The following ANKEF1 variants were observed in gnomAD, a reference collection of about 807,000 sequenced individuals.
ANKEF1 encodes the protein ankyrin repeat and EF-hand domain containing 1.
In ANKEF1, 43 loss-of-function variants were observed where a neutral mutation model predicts 65.1. That is an observed-to-expected ratio of 0.66 (90% CI 0.52 to 0.85). The LOEUF (loss-of-function observed/expected upper bound fraction) is 0.85, where lower values mean the gene tolerates loss of function less well. Among genes scored for constraint, ANKEF1 ranks in the 40% least tolerant of loss-of-function variants. ANKEF1 has a pLI of 0.00. For synonymous variants in ANKEF1, 316 were observed against 341.5 expected, an observed-to-expected ratio of 0.93 and a Z score of 0.82; for missense variants, 934 against 952.9, an observed-to-expected ratio of 0.98 and a Z score of 0.26.
At chr20:10,040,975 G>A (rs1333882359) in intron 3 of ANKEF1, among the ~76,000 whole-genome samples, 1 of 147,580 alleles carries the variant, frequency 6.8e-6, no homozygotes, top group Non-Finnish European at 1.5e-5. Flanking sequence ...TTTTTTAACT[G>A]TTCTGAGTAA....
At chr20:10,044,247 T>C (rs2122238323) in intron 4 of ANKEF1, 147 bp from the exon 5 acceptor site, 2 of 868,712 alleles carry the variant, frequency 2.3e-6, no homozygotes, top group East Asian at 5.2e-5. Flanking sequence ...TTTTCCTCTT[T>C]GTTACATGAA....
chr20:10,048,338 G>T (rs1342833724), intron 6 of ANKEF1, among the ~76,000 whole-genome samples: 1 of 151,602 alleles, frequency 6.6e-6, no homozygotes, highest in Admixed American at 6.6e-5. Context: ...TTTGATATAG[G>T]AATACCATGC....
At position 10,043,102 on chromosome 20, in the gene ANKEF1, G is replaced by A; in HGVS notation, c.347-20G>A. On this transcript the variant is annotated intron_variant, in intron 3 of 10. Coordinates refer to ENST00000378392, the MANE Select transcript of ANKEF1 (RefSeq NM_022096.6). Reference sequence around the variant, plus strand: ...ATGTATAGATGTTAAATACTCTCTGGGGATTTTATTTCTCTGCAGGTGTTT... The same window carrying A: ...ATGTATAGATGTTAAATACTCTCTGAGGATTTTATTTCTCTGCAGGTGTTT... 3.1e-6 allele frequency: 5 copies of A among 1,608,670 alleles called. No individual in the cohort carries two copies. The highest frequency in any genetic ancestry group is 4.3e-6 in the Non-Finnish European group (5 of 1,175,746).
At chr20:10,043,554 A>G (rs979068848) in intron 4 of ANKEF1, among the ~76,000 whole-genome samples, 1 of 151,860 alleles carries the variant, frequency 6.6e-6, no homozygotes, top group Non-Finnish European at 1.5e-5. Context: ...AGGTACCATT[A>G]TAGGAAATAG....
In ANKEF1 at chr20:10,035,041, G is replaced by C. The variant is rs1251654355; in HGVS notation, c.-401G>C. 1.3e-5 allele frequency: 2 copies of C among 153,088 alleles called. No individual in the cohort carries two copies. Among genetic ancestry groups the C allele is most frequent in the Non-Finnish European group, 2.9e-5 (2 of 68,580 alleles). 9.5% of individuals were successfully genotyped at this position (153,088 alleles called of 1,614,324 possible). A position where few individuals can be genotyped will look rare whatever the true frequency, so the allele number is the denominator to read the frequency against. On this transcript the variant is annotated 5_prime_UTR_variant, in exon 1 of 11. Coordinates refer to ENST00000378392, the MANE Select transcript of ANKEF1 (RefSeq NM_022096.6). ...AGCTCACAATCAGCCCGGTCCCTCCGGCTTCCACCCCGCCCCCTGCGCTCA... is the reference window on the plus strand; with the variant it reads ...AGCTCACAATCAGCCCGGTCCCTCCCGCTTCCACCCCGCCCCCTGCGCTCA...
intron 9 of ANKEF1, among the ~76,000 whole-genome samples, chr20:10,053,814 G>A (rs141584826): frequency 6.6e-6 from 1 of 152,148 alleles, no homozygotes; most frequent in Non-Finnish European, 1.5e-5. Context: ...CAAAATGGTT[G>A]TAGGTTTTCA....
At chr20:10,036,572 T>G (rs1280380072) in intron 2 of ANKEF1, among the ~76,000 whole-genome samples, 1 of 152,194 alleles carries the variant, frequency 6.6e-6, no homozygotes, top group African/African-American at 2.4e-5. Flanking sequence ...CCTGGCCCGG[T>G]GGCTCACGCC....
chr20:10,047,140 A>G (rs1245562127), intron 6 of ANKEF1, among the ~76,000 whole-genome samples: 4 of 152,234 alleles, frequency 2.6e-5, no homozygotes, highest in African/African-American at 7.2e-5. Flanking sequence ...AATATCACAC[A>G]TACGCTATCA....
intron 7 of ANKEF1, among the ~76,000 whole-genome samples, chr20:10,050,490 A>G (rs6141102): frequency 0.17 from 26,627 of 152,154 alleles, 2,534 homozygotes; most frequent in East Asian, 0.28. Context: ...ACTGATGGCT[A>G]GGGTTAGAAA....
In ANKEF1 at chr20:10,055,507, G is replaced by T. The variant is rs899153341; in HGVS notation, c.2178G>T (p.Trp726Cys). ...TGGCTATTTTTCTTTTTAAGATTTG[G>T]AGTCCTGAAGCCACAACAGCAGAGC... ...VDITFIPRRI[W>C]SPEATTAELI... Residue 726 changes from tryptophan (W) to cysteine (C), a missense_variant, in exon 11 of 11, where the codon TGG (tryptophan) becomes TGT (cysteine). Coordinates refer to ENST00000378392, the MANE Select transcript of ANKEF1 (RefSeq NM_022096.6). The T allele has an allele frequency of 6.2e-7, 1 of 1,613,152 alleles. No homozygotes were observed. The highest frequency in any genetic ancestry group is 8.5e-7 in the Non-Finnish European group (1 of 1,179,550).
At chr20:10,047,970 A>T (rs1369921626) in intron 6 of ANKEF1, among the ~76,000 whole-genome samples, 1 of 152,224 alleles carries the variant, frequency 6.6e-6, no homozygotes, top group Non-Finnish European at 1.5e-5. Context: ...GGGTGAACAT[A>T]GAAGAAGAGG....
chr20:10,038,456 T>C lies in ANKEF1; in HGVS notation c.155T>C (p.Leu52Ser), dbSNP rs1026439430. ...YTEPINGLSA[L>S]HLASVSNDID... Reference sequence around the variant, plus strand: ...GAACCCATTAATGGACTTAGTGCTTTGCACTTAGCCTCAGTTTCCAATGAT... The same window carrying C: ...GAACCCATTAATGGACTTAGTGCTTCGCACTTAGCCTCAGTTTCCAATGAT... The change falls in exon 3 of 11, where the codon TTG becomes TCG. Residue 52 changes from leucine (L) to serine (S), a missense_variant. Leu to Ser is a moderately radical substitution (Grantham distance 145). Transcript: ENST00000378392. 1 of 1,614,028 alleles carries C rather than the reference T, an allele frequency of 6.2e-7. No individual in the cohort carries two copies. Among genetic ancestry groups the C allele is most frequent in the African/African-American group, 1.3e-5 (1 of 74,940 alleles).
chr20:10,040,363 G>A (rs1411918542), intron 3 of ANKEF1, among the ~76,000 whole-genome samples: 1 of 152,198 alleles, frequency 6.6e-6, no homozygotes, highest in Admixed American at 6.5e-5. Flanking sequence ...TTGACTCACT[G>A]TACATCGTTC....
At position 10,050,182 on chromosome 20, in the gene ANKEF1, T is replaced by G. The variant is rs751857877; in HGVS notation, c.1613T>G (p.Ile538Arg). ...ATGACGGCGTGTGCAAGTGGAAACA[T>G]AGATGTGGTCAAGTTTCTTCTTGAA... ...PLMTACASGN[I>R]DVVKFLLEKG... Residue 538 changes from isoleucine to arginine, a missense_variant, in exon 7 of 11, where the codon ATA becomes AGA. Physicochemically the swap from Ile to Arg is moderately conservative, Grantham distance 97. Coordinates refer to ENST00000378392, the MANE Select transcript of ANKEF1 (RefSeq NM_022096.6). 1 of 1,612,608 alleles carries G rather than the reference T, an allele frequency of 6.2e-7. No individual in the cohort carries two copies. The highest frequency in any genetic ancestry group is 1.3e-5 in the African/African-American group (1 of 74,932).
Position 10,055,639 on chromosome 20 carries a change from G to T in ANKEF1, c.2310G>T (p.Leu770=), listed in dbSNP as rs755657341. 3.1e-6 allele frequency: 5 copies of T among 1,613,662 alleles called. No individual in the cohort carries two copies. The East Asian group carries it at 1.1e-4, about 36-fold the overall frequency. The part of the protein sequence containing the change: ...QKNITEKARA[L]EAALKT ...ACATCACAGAGAAAGCTCGAGCACT[G>T]GAAGCTGCCTTGAAGACCTAAGTCA... The change falls in exon 11 of 11, where the codon CTG becomes CTT. Residue 770 remains leucine, a synonymous_variant. Transcript: ENST00000378392.
At position 10,055,700 on chromosome 20, in the gene ANKEF1, C is replaced by G; in HGVS notation, c.*40C>G. 1 of 1,606,876 alleles carries G rather than the reference C, an allele frequency of 6.2e-7. No homozygotes were observed. The highest frequency in any genetic ancestry group is 8.5e-7 in the Non-Finnish European group (1 of 1,174,082). On this transcript the variant is annotated 3_prime_UTR_variant, in exon 11 of 11. Coordinates refer to ENST00000378392, the MANE Select transcript of ANKEF1 (RefSeq NM_022096.6). ...TTCTTGGGGTAAATGCTTTGAGGCC[C>G]AGGGACCAATCTTTGGAGAAAGTAG...
rs773249608 is a variant in ANKEF1 at position 10,056,953 on chromosome 20, G to A, written c.*1293G>A. Reference sequence around the variant, plus strand: ...TTACTGGGTGCTACAACCTAGCCAAGTTGAGTCATAAAACTGACCATCTCT... The same window carrying A: ...TTACTGGGTGCTACAACCTAGCCAAATTGAGTCATAAAACTGACCATCTCT... On this transcript the variant is annotated 3_prime_UTR_variant, in exon 11 of 11. Coordinates refer to ENST00000378392, the MANE Select transcript of ANKEF1 (RefSeq NM_022096.6). The A allele has an allele frequency of 6.6e-6, 1 of 152,156 alleles. No homozygotes were observed. Among genetic ancestry groups the A allele is most frequent in the Non-Finnish European group, 1.5e-5 (1 of 68,046 alleles). The allele number at this position is 152,156 out of a possible 1,614,324, so 9.4% of individuals were successfully genotyped here. A position where few individuals can be genotyped will look rare whatever the true frequency, so the allele number is the denominator to read the frequency against.
intron 3 of ANKEF1, among the ~76,000 whole-genome samples, chr20:10,040,349 A>T (rs901903557): frequency 1.3e-5 from 2 of 152,210 alleles, no homozygotes; most frequent in Admixed American, 6.5e-5. Flanking sequence ...CTGGTGACTC[A>T]TGTTTGACTC....
rs762518534 is a variant in ANKEF1, at chr20:10,051,927, G to A, written c.1870+38G>A. The A allele has an allele frequency of 1.4e-5, 20 of 1,476,672 alleles. No individual in the cohort carries two copies. The African/African-American group carries it at 2.7e-4, about 20-fold the overall frequency. 91.5% of individuals were successfully genotyped at this position (1,476,672 alleles called of 1,614,324 possible). A position where few individuals can be genotyped will look rare whatever the true frequency, so the allele number is the denominator to read the frequency against. On this transcript the variant is annotated intron_variant, in intron 8 of 10. Transcript: ENST00000378392. ...ATTATTGATGATTAGGGTTAGAAAA[G>A]GAGAACTTATGTTAGATTCTAAGCC... is the stretch of plus-strand genomic sequence containing the variant.
Sources: gnomAD v4.1 joint callset for allele counts (sites outside exome capture counted in the v4.1 genomes callset) on GRCh38, gnomAD v4.1.1 for gene constraint, MANE v1.5 for transcripts, NCBI Gene and HGNC (gene_info 2026-07-23, HGNC 2026-07-21) for gene names.